Variants in HS6ST2 observed in about 807,000 individuals in gnomAD.
HS6ST2 encodes the protein heparan sulfate 6-O-sulfotransferase 2, also known as heparan-sulfate 6-O-sulfotransferase 2.
Under a neutral mutation model 33.0 loss-of-function variants are expected in HS6ST2, and 17 were observed. That is an observed-to-expected ratio of 0.52 (90% CI 0.35 to 0.77). HS6ST2 has a LOEUF of 0.77. HS6ST2 is among the 30% of genes least tolerant of loss of function. The pLI is 0.01. For synonymous variants in HS6ST2, 248 were observed against 237.1 expected, an observed-to-expected ratio of 1.05 and a Z score of -0.42; for missense variants, 519 against 551.7, an observed-to-expected ratio of 0.94 and a Z score of 0.59.
At chrX:132,665,750 G>GT (rs60731804) in intron 4 of HS6ST2, among the ~76,000 whole-genome samples, 210 of 104,234 alleles carry the variant, frequency 2.0e-3, no homozygotes, top group East Asian at 0.011. Context: ...CTGCACTGAA[G>GT]TTTTTTTTTT....
intron 2 of HS6ST2, among the ~76,000 whole-genome samples, chrX:132,709,411 G>A (rs2064211336): frequency 8.9e-6 from 1 of 111,885 alleles, no homozygotes; most frequent in Admixed American, 9.5e-5. Flanking sequence ...AGTGAGTTAA[G>A]AGAGCCTTTT....
At chrX:132,740,925 T>C (rs187979112) in intron 2 of HS6ST2, among the ~76,000 whole-genome samples, 102 of 112,264 alleles carry the variant, frequency 9.1e-4, no homozygotes, top group Non-Finnish European at 1.7e-3. Context: ...ACACAGACAG[T>C]GGCTGAGGAG....
intron 2 of HS6ST2, among the ~76,000 whole-genome samples, chrX:132,838,977 A>C (rs2148396277): frequency 9.3e-6 from 1 of 107,508 alleles, no homozygotes; most frequent in East Asian, 3.0e-4. Context: ...AAAAAAAAAA[A>C]ACAGATGTTG....
chrX:132,755,107 C>T (rs2064746677), intron 2 of HS6ST2, among the ~76,000 whole-genome samples: 3 of 112,151 alleles, frequency 2.7e-5, no homozygotes, highest in African/African-American at 6.5e-5. Context: ...AGAATCTACA[C>T]AAATTATTTG....
At chrX:132,763,711 T>C (rs969417990) in intron 2 of HS6ST2, among the ~76,000 whole-genome samples, 1 of 112,276 alleles carries the variant, frequency 8.9e-6, no homozygotes, top group Non-Finnish European at 1.9e-5. Flanking sequence ...TGGAGCTGCC[T>C]GTCATAGCTA....
intron 2 of HS6ST2, among the ~76,000 whole-genome samples, chrX:132,874,296 G>A (rs934787697): frequency 7.1e-5 from 8 of 112,512 alleles, no homozygotes; most frequent in African/African-American, 2.6e-4. Context: ...AACACCTTCC[G>A]GCTGGGCATG....
upstream of HS6ST2, chrX:132,958,791 A>C (rs987979693): frequency 6.2e-5 from 24 of 386,127 alleles, no homozygotes; most frequent in Non-Finnish European, 7.3e-5. Flanking sequence ...ACCTCTCCTA[A>C]AATAGCAAAG....
At chrX:132,930,573 G>C (rs1411782438) in intron 2 of HS6ST2, among the ~76,000 whole-genome samples, 4 of 110,814 alleles carry the variant, frequency 3.6e-5, no homozygotes, top group African/African-American at 1.3e-4. Context: ...CAAGTATATG[G>C]GTCTAAGAGG....
intron 2 of HS6ST2, among the ~76,000 whole-genome samples, chrX:132,758,925 C>T (rs1454425639): frequency 5.4e-5 from 6 of 110,850 alleles, no homozygotes; most frequent in East Asian, 3.0e-4. Context: ...AAACCATCCC[C>T]GTGCAAAGAA....
intron 2 of HS6ST2, among the ~76,000 whole-genome samples, chrX:132,870,091 G>A (rs1265871709): frequency 6.3e-5 from 7 of 110,609 alleles, no homozygotes; most frequent in Admixed American, 1.9e-4. Context: ...AAATCAATGT[G>A]TAAAAATCAC....
intron 2 of HS6ST2, among the ~76,000 whole-genome samples, chrX:132,914,372 C>T (rs1362648412): frequency 8.9e-6 from 1 of 112,041 alleles, no homozygotes; most frequent in Middle Eastern, 4.6e-3. Flanking sequence ...AAAAAGGGGA[C>T]CTCATCTGAC....
chrX:132,863,936 G>A (rs960769206), intron 2 of HS6ST2, among the ~76,000 whole-genome samples: 22 of 111,503 alleles, frequency 2.0e-4, no homozygotes, highest in African/African-American at 5.5e-4. Context: ...TGCAGCCTCC[G>A]CTGATGATAC....
At chrX:132,693,309 T>G (rs765541053) in intron 3 of HS6ST2, among the ~76,000 whole-genome samples, 30 of 112,201 alleles carry the variant, frequency 2.7e-4, no homozygotes, top group Admixed American at 2.1e-3. Flanking sequence ...TGCCACGGCT[T>G]CCTAGCCATT....
At chrX:132,887,133 C>T (rs1161502937) in intron 2 of HS6ST2, among the ~76,000 whole-genome samples, 1 of 86,787 alleles carries the variant, frequency 1.2e-5, no homozygotes, top group Non-Finnish European at 2.3e-5. Flanking sequence ...GACTCTGTCT[C>T]AAAAAAAAAA....
At chrX:132,669,481 C>G (rs1282733186) in intron 3 of HS6ST2, 1 of 218,135 alleles carries the variant, frequency 4.6e-6, no homozygotes, top group Non-Finnish European at 8.1e-6. Flanking sequence ...AGCACCACAG[C>G]CCAGGCCCCA....
intron 2 of HS6ST2, among the ~76,000 whole-genome samples, chrX:132,902,747 C>T (rs2066436734): frequency 9.0e-6 from 1 of 111,662 alleles, no homozygotes; most frequent in Non-Finnish European, 1.9e-5. Context: ...GCAGCAAGAC[C>T]ACCTAAATCC....
At chrX:132,766,001 C>T (rs1266732022) in intron 2 of HS6ST2, among the ~76,000 whole-genome samples, 3 of 111,910 alleles carry the variant, frequency 2.7e-5, no homozygotes, top group Non-Finnish European at 5.6e-5. Context: ...GTGTGGGCTG[C>T]ATATACCACT....
intron 2 of HS6ST2, among the ~76,000 whole-genome samples, chrX:132,867,374 C>T (rs1388625423): frequency 2.7e-5 from 3 of 109,393 alleles, no homozygotes; most frequent in East Asian, 2.9e-4. Context: ...CTGCTGGATT[C>T]GGTTTGCCAG....
At chrX:132,905,731 C>A (rs1254163435) in intron 2 of HS6ST2, among the ~76,000 whole-genome samples, 1 of 111,448 alleles carries the variant, frequency 9.0e-6, no homozygotes, top group African/African-American at 3.3e-5. Context: ...CTGGGCAACA[C>A]AGGGAGACCC....
Sources: allele counts gnomAD v4.1 joint callset (sites outside exome capture counted in the v4.1 genomes callset), GRCh38; gene constraint gnomAD v4.1.1; transcripts MANE v1.5; gene names NCBI Gene and HGNC (gene_info 2026-07-23, HGNC 2026-07-21).